Variants in CDON observed in about 807,000 individuals in gnomAD.
CDON encodes the protein cell adhesion molecule-related/down-regulated by oncogenes.
A neutral mutation model predicts 120.9 loss-of-function variants in CDON; 73 were observed. The observed-to-expected ratio is 0.60, with a 90% confidence interval of 0.50 to 0.73. The LOEUF (loss-of-function observed/expected upper bound fraction) is 0.73. Ranked by LOEUF, CDON falls within the 30% of genes least tolerant of loss-of-function variation. The probability of loss-of-function intolerance (pLI) is 0.00; values close to 1 mark genes in which losing one functional copy is unlikely to be tolerated. For missense variants in CDON, 1,470 were observed against 1,587.3 expected, an observed-to-expected ratio of 0.93 and a Z score of 1.26; for synonymous variants, 566 against 573.5, an observed-to-expected ratio of 0.99 and a Z score of 0.19.
At chr11:126,007,084 T>C (rs190201887) in intron 8 of CDON, among the ~76,000 whole-genome samples, 8 of 152,280 alleles carry the variant, frequency 5.3e-5, no homozygotes, top group Non-Finnish European at 1.2e-4. Flanking sequence ...GACGGCTTGG[T>C]TTCTCTAAAG....
At chr11:126,006,415 C>T (rs1043174239) in intron 8 of CDON, among the ~76,000 whole-genome samples, 1 of 152,170 alleles carries the variant, frequency 6.6e-6, no homozygotes, top group Admixed American at 6.5e-5. Context: ...CACCTGTAAT[C>T]CCAGAACTTT....
chr11:125,979,488 T>C (rs1946235553), intron 17 of CDON, among the ~76,000 whole-genome samples: 1 of 152,202 alleles, frequency 6.6e-6, no homozygotes, highest in Admixed American at 6.5e-5. Context: ...ACGTTGAAGT[T>C]AGTGCAATGA....
At chr11:126,003,512 G>C (rs529152359) in intron 10 of CDON, among the ~76,000 whole-genome samples, 5 of 152,132 alleles carry the variant, frequency 3.3e-5, no homozygotes, top group Admixed American at 2.6e-4. Context: ...TTTACATATA[G>C]GAATTTCTAC....
At chr11:126,061,349 A>G (rs962837434) in intron 1 of CDON, among the ~76,000 whole-genome samples, 7 of 152,210 alleles carry the variant, frequency 4.6e-5, no homozygotes, top group African/African-American at 1.7e-4. Flanking sequence ...TTTCTAGTTA[A>G]GCACTAATTT....
chr11:126,024,397 G>A (rs1379641568), intron 1 of CDON, among the ~76,000 whole-genome samples: 3 of 152,220 alleles, frequency 2.0e-5, no homozygotes, highest in South Asian at 4.1e-4. Flanking sequence ...TGAGTCAACC[G>A]TGGAGGTGGA....
chr11:125,971,868 C>T (rs925893400), intron 18 of CDON, among the ~76,000 whole-genome samples: 1 of 152,196 alleles, frequency 6.6e-6, no homozygotes, highest in Non-Finnish European at 1.5e-5. Context: ...AATCCCTTTC[C>T]ATTAAACTAG....
At chr11:126,015,901 T>A (rs1412448690) in intron 6 of CDON, among the ~76,000 whole-genome samples, 1 of 152,236 alleles carries the variant, frequency 6.6e-6, no homozygotes, top group Non-Finnish European at 1.5e-5. Context: ...AAGAACGTTT[T>A]ACTCAGAGGT....
At chr11:126,028,275 A>G (rs1485489315) in intron 1 of CDON, among the ~76,000 whole-genome samples, 1 of 152,008 alleles carries the variant, frequency 6.6e-6, no homozygotes, top group Non-Finnish European at 1.5e-5. Context: ...TCTTTTTCAT[A>G]TATGTGGTGT....
intron 15 of CDON, among the ~76,000 whole-genome samples, chr11:125,987,365 G>A (rs573362071): frequency 2.0e-5 from 3 of 152,304 alleles, no homozygotes; most frequent in Admixed American, 6.5e-5. Flanking sequence ...AGGCTTCAGC[G>A]CCTCTGTCAT....
chr11:125,960,722 C>T lies in CDON; in HGVS notation c.*220G>A. On this transcript the variant is annotated 3_prime_UTR_variant, in exon 20 of 20. Coordinates refer to ENST00000531738, the MANE Select transcript of CDON (RefSeq NM_001378964.1). Reference sequence around the variant, plus strand: ...ATACTATGCAAAACAAGGTTGTTTCCTACCGAGGGGGAGGAAGGAATGGGG... The same window carrying T: ...ATACTATGCAAAACAAGGTTGTTTCTTACCGAGGGGGAGGAAGGAATGGGG... 1 of 562,268 alleles carries T rather than the reference C, an allele frequency of 1.8e-6. No homozygotes were observed. Among genetic ancestry groups the T allele is most frequent in the Non-Finnish European group, 3.2e-6 (1 of 313,992 alleles). The allele number at this position is 562,268 out of a possible 1,614,324, so 34.8% of individuals were successfully genotyped here.
intron 3 of CDON, among the ~76,000 whole-genome samples, chr11:126,020,958 G>A (rs970274531): frequency 6.6e-6 from 1 of 150,748 alleles, no homozygotes; most frequent in African/African-American, 2.5e-5. Context: ...TTTAAAAAGT[G>A]TCCTTCCCTG....
intron 11 of CDON, among the ~76,000 whole-genome samples, chr11:126,001,453 C>T (rs953114516): frequency 6.6e-6 from 1 of 152,198 alleles, no homozygotes; most frequent in South Asian, 2.1e-4. Context: ...CAGCCTCCCA[C>T]AGTGCCTAGC....
At chr11:126,027,150 G>A (rs549801572) in intron 1 of CDON, among the ~76,000 whole-genome samples, 11 of 152,284 alleles carry the variant, frequency 7.2e-5, no homozygotes, top group Admixed American at 4.6e-4. Flanking sequence ...TACTAAACAC[G>A]TGTTGGCTTG....
chr11:125,981,408 A>T (rs1416194920), intron 16 of CDON, 79 bp from the exon 17 acceptor site: 2 of 1,444,594 alleles, frequency 1.4e-6, no homozygotes, highest in Admixed American at 3.4e-5. Flanking sequence ...ACACGCATGC[A>T]CACATGCACA....
rs1355882507 is a variant in CDON at position 126,034,283 on chromosome 11, G to A, written c.-61-10746C>T. Among the ~76,000 whole-genome samples the A allele has an allele frequency of 6.6e-6, 1 of 152,128 alleles. No individual in the cohort carries two copies. Among genetic ancestry groups the A allele is most frequent in the African/African-American group, 2.4e-5 (1 of 41,410 alleles). On this transcript the variant is annotated intron_variant, in intron 1 of 19. Transcript: ENST00000531738. This position sits in a 1 kb window ranked among gnomAD's most constrained non-coding sequence, Gnocchi z 4.5. Reference sequence around the variant, plus strand: ...CCAAAAGTAGAGGAAGAAAATGGAAGTGACTTGGAGTTATGGCACCAAAAA... The same window carrying A: ...CCAAAAGTAGAGGAAGAAAATGGAAATGACTTGGAGTTATGGCACCAAAAA...
At chr11:125,989,045 AAAAT>A (rs1201376953) in intron 15 of CDON, among the ~76,000 whole-genome samples, 3 of 152,166 alleles carry the variant, frequency 2.0e-5, no homozygotes, top group African/African-American at 7.2e-5. Flanking sequence ...TAAAAAAAAT[AAAAT>A]AAAATAAAAA....
Position 125,978,383 on chromosome 11 carries a change from C to T in CDON, c.3277G>A (p.Gly1093Ser). The change falls in exon 18 of 20, where the codon GGT becomes AGT. Residue 1093 changes from glycine (G) to serine (S), a missense_variant and splice_region_variant. Gly to Ser is a moderately conservative substitution (Grantham distance 56). Coordinates refer to ENST00000531738, the MANE Select transcript of CDON (RefSeq NM_001378964.1). Reference protein sequence around the residue: ...DFEHPHHLVNGGGMYTAVPQI... With the variant: ...DFEHPHHLVNSGGMYTAVPQI... ...GGCACGGCCGTGTACATTCCACCAC[C>T]CTGGACAGGAAGGAGTGTCAGAGAA... 2 of 1,595,986 alleles carry T rather than the reference C, an allele frequency of 1.3e-6. No homozygotes were observed. The highest frequency in any genetic ancestry group is 1.7e-6 in the Non-Finnish European group (2 of 1,166,178).
chr11:126,059,643 T>C (rs892422333), intron 1 of CDON, among the ~76,000 whole-genome samples: 2 of 151,978 alleles, frequency 1.3e-5, no homozygotes, highest in Admixed American at 6.6e-5. Context: ...AGAGATCTCA[T>C]AGCCCCCGCT....
chr11:126,049,439 G>T (rs1159794058), intron 1 of CDON, among the ~76,000 whole-genome samples: 1 of 152,154 alleles, frequency 6.6e-6, no homozygotes, highest in African/African-American at 2.4e-5. Flanking sequence ...CTTACTGGGA[G>T]CTGCACTCCA....
Sources: allele counts gnomAD v4.1 joint callset (sites outside exome capture counted in the v4.1 genomes callset), GRCh38; gene constraint gnomAD v4.1.1; non-coding constraint Gnocchi (gnomAD v3.1); transcripts MANE v1.5; gene names NCBI Gene and HGNC (gene_info 2026-07-23, HGNC 2026-07-21).